Variants in BCAR1 observed in about 807,000 individuals in gnomAD.
BCAR1 encodes breast cancer anti-estrogen resistance protein 1.
A neutral mutation model predicts 67.6 loss-of-function variants in BCAR1; 30 were observed. The ratio of observed to expected loss-of-function variants is 0.44; its 90% CI spans 0.33 to 0.60. The LOEUF (loss-of-function observed/expected upper bound fraction) is 0.60, where lower values mean the gene tolerates loss of function less well. Ranked by LOEUF, BCAR1 falls within the 20% of genes least tolerant of loss-of-function variation. The pLI is 0.02. For missense variants in BCAR1, 1,313 were observed against 1,222.3 expected, an observed-to-expected ratio of 1.07 and a Z score of -1.11; for synonymous variants, 626 against 556.7, an observed-to-expected ratio of 1.12 and a Z score of -1.75.
chr16:75,234,232 C>T (rs1467242842), intron 5 of BCAR1, among the ~76,000 whole-genome samples: 2 of 151,608 alleles, frequency 1.3e-5, no homozygotes, highest in Non-Finnish European at 2.9e-5. Flanking sequence ...TGGGACACAG[C>T]CCCCCCAGGC....
At position 75,229,336 on chromosome 16, in the gene BCAR1, C is replaced by G; in HGVS notation, c.*175G>C. The G allele has an allele frequency of 4.6e-6, 5 of 1,096,524 alleles. No individual in the cohort carries two copies. Among genetic ancestry groups the G allele is most frequent in the Non-Finnish European group, 6.2e-6 (5 of 801,188 alleles). 67.9% of individuals were successfully genotyped at this position (1,096,524 alleles called of 1,614,324 possible). ...GGCTTCGGCTCCTGAGGAGGCATGG[C>G]CCCACACCCTGCCCGGCCATAAATA... On this transcript the variant is annotated 3_prime_UTR_variant, in exon 7 of 7. Transcript: ENST00000162330.
At chr16:75,259,228 G>A (rs967367708) in intron 1 of BCAR1, among the ~76,000 whole-genome samples, 1 of 152,232 alleles carries the variant, frequency 6.6e-6, no homozygotes, top group Non-Finnish European at 1.5e-5. Flanking sequence ...CCAGGATTTG[G>A]GAGCACAGAT....
intron 1 of BCAR1, chr16:75,248,216 A>G: frequency 1.3e-6 from 2 of 1,545,382 alleles, no homozygotes; most frequent in South Asian, 1.2e-5. Context: ...CGTGGAAACC[A>G]CCAGAGGAAA....
intron 1 of BCAR1, among the ~76,000 whole-genome samples, chr16:75,265,422 G>A (rs2077986039): frequency 6.6e-6 from 1 of 152,148 alleles, no homozygotes; most frequent in Non-Finnish European, 1.5e-5. Context: ...AGTCCCGGAG[G>A]GGAGTCGCGG....
chr16:75,248,199 C>G, intron 1 of BCAR1: 1 of 1,560,802 alleles, frequency 6.4e-7, no homozygotes, highest in Non-Finnish European at 8.6e-7. Context: ...GGGGTGACGC[C>G]TGGGTTCGTG....
chr16:75,230,113 C>G, intron 6 of BCAR1, 90 bp from the exon 7 acceptor site: 1 of 1,454,528 alleles, frequency 6.9e-7, no homozygotes, highest in Non-Finnish European at 9.2e-7. Context: ...CTGGGCTTCT[C>G]TAAAAGGGCC....
chr16:75,235,309 G>A lies in BCAR1; in HGVS notation c.1590C>T (p.Ala530=), dbSNP rs2077069454. Residue 530 remains alanine, a synonymous_variant, in exon 5 of 7, where the codon GCC becomes GCT. Coordinates refer to ENST00000162330, the MANE Select transcript of BCAR1 (RefSeq NM_014567.5). The stretch of plus-strand genomic sequence containing the variant: ...CATGCAGGGCACGGTCAGATGTGTG[G>A]GCAGCATTGCCCACCGCGCTGCGGG... ...EFARSAVGNA[A]HTSDRALHAK... is the part of the protein sequence containing the mutation. The A allele has an allele frequency of 6.2e-7, 1 of 1,604,702 alleles. No individual in the cohort carries two copies. The highest frequency in any genetic ancestry group is 8.5e-7 in the Non-Finnish European group (1 of 1,173,778).
rs1187171334 is a variant in BCAR1 at position 75,235,819 on chromosome 16, G to A, written c.1080C>T (p.Asp360=). The part of the protein sequence containing the change: ...APPPDSPPAE[D]VYDVPPPAPD... ...GAGCCGGGGGCGGCACGTCATACAC[G>A]TCCTCGGCCGGCGGGGAGTCTGGAG... Residue 360 remains aspartate (D), a synonymous_variant, in exon 5 of 7, where the codon GAC becomes GAT. Transcript: ENST00000162330. The A allele has an allele frequency of 3.2e-6, 5 of 1,582,848 alleles. No individual in the cohort carries two copies. Among genetic ancestry groups the A allele is most frequent in the East Asian group, 2.3e-5 (1 of 43,610 alleles).
At chr16:75,261,332 C>A (rs974779533) in intron 1 of BCAR1, among the ~76,000 whole-genome samples, 2 of 152,230 alleles carry the variant, frequency 1.3e-5, no homozygotes, top group Non-Finnish European at 2.9e-5. Flanking sequence ...AACACCAGGG[C>A]ACCAGTGGTA....
chr16:75,262,128 C>G (rs996385495), intron 1 of BCAR1, among the ~76,000 whole-genome samples: 4 of 152,158 alleles, frequency 2.6e-5, no homozygotes, highest in Non-Finnish European at 4.4e-5. Context: ...AACACTCTCC[C>G]CACCCCGCAG....
intron 3 of BCAR1, 68 bp downstream of exon 3, chr16:75,237,115 G>A (rs181984804): frequency 4.3e-5 from 64 of 1,499,166 alleles, no homozygotes; most frequent in Middle Eastern, 2.0e-4. Flanking sequence ...TGCAGCTCTC[G>A]GCCCAGGGCC....
chr16:75,263,987 G>T, intron 1 of BCAR1: 5 of 1,182,778 alleles, frequency 4.2e-6, no homozygotes, highest in Non-Finnish European at 5.2e-6. Flanking sequence ...GGGGCAGATG[G>T]CAAAGACCTC....
In BCAR1 at chr16:75,242,993, G is replaced by A. The variant is rs1304237563; in HGVS notation, c.110C>T (p.Thr37Met). ...GAGCCACCAGCCGTCCAGGCCCTGC[G>A]TGTCCTGCTCCAGCACCGTCATGAT... ...GDIMTVLEQD[T>M]QGLDGWWLCS... The change falls in exon 2 of 7, where the codon ACG becomes ATG. Residue 37 changes from threonine (T) to methionine (M), a missense_variant. Thr to Met is a moderately conservative substitution (Grantham distance 81, BLOSUM62 -1). This residue lies in a region of BCAR1 where 41 missense variants were observed against 84.8 expected (regional missense o/e 0.48). Transcript: ENST00000162330. The A allele has an allele frequency of 6.2e-6, 10 of 1,613,504 alleles. No homozygotes were observed. In the East Asian group the frequency reaches 6.7e-5, roughly 11 times the overall value.
intron 1 of BCAR1, among the ~76,000 whole-genome samples, chr16:75,267,392 G>GC (rs59674858): frequency 5.3e-5 from 3 of 56,724 alleles, no homozygotes; most frequent in Non-Finnish European, 1.7e-4. Context: ...GCCACAGCAA[G>GC]CCGGGGGGGG....
chr16:75,229,703 G>A lies in BCAR1; in HGVS notation c.2421C>T (p.Asp807=), dbSNP rs368805135. The A allele has an allele frequency of 1.5e-5, 24 of 1,612,822 alleles. No homozygotes were observed. Among genetic ancestry groups the A allele is most frequent in the East Asian group, 4.5e-5 (2 of 44,884 alleles). ...DTLSRQAKAA[D]VRSQVTHYSN... The stretch of plus-strand genomic sequence containing the variant: ...TGTAGTGGGTCACCTGGCTGCGCAC[G>A]TCAGCAGCCTTGGCCTGCCGTGACA... Residue 807 remains aspartate (D), a synonymous_variant, in exon 7 of 7, where the codon GAC becomes GAT. Transcript: ENST00000162330.
chr16:75,236,092 ACACACACACAGAGGCACGCG>A (rs892744688), intron 4 of BCAR1, 106 bp from the exon 5 acceptor site: 21 of 1,392,888 alleles, frequency 1.5e-5, no homozygotes, highest in Admixed American at 2.5e-5. Context: ...ACACATACAG[ACACACACACAGAGGCACGCG>A]CACACACACA....
At chr16:75,237,482 A>G in intron 2 of BCAR1, 138 bp from the exon 3 acceptor site, 2 of 1,054,024 alleles carry the variant, frequency 1.9e-6, no homozygotes, top group African/African-American at 1.7e-5. Context: ...CAAGGATGCC[A>G]GTTCTCACCC....
intron 1 of BCAR1, among the ~76,000 whole-genome samples, chr16:75,243,841 C>T (rs1447081192): frequency 6.6e-6 from 1 of 152,218 alleles, no homozygotes; most frequent in Admixed American, 6.5e-5. Context: ...GGCAGGGAGG[C>T]CTCGCAGTTT....
In BCAR1 at chr16:75,235,360, A is replaced by C; in HGVS notation, c.1539T>G (p.Ser513Arg). Residue 513 changes from serine to arginine, a missense_variant, in exon 5 of 7, where the codon AGT (serine) becomes AGG (arginine). Physicochemically the swap from Ser to Arg is moderately radical, Grantham distance 110. This residue lies in a region of BCAR1 where 1,272 missense variants were observed against 1,137.5 expected (regional missense o/e 1.12). Transcript: ENST00000162330. ...CAAACTCCAACAGCTCGTGGACGGC[A>C]CTCTGGACAGCGGCCACAGCAGCCT... is the stretch of plus-strand genomic sequence containing the variant. ...DLQAAVAAVQ[S>R]AVHELLEFAR... is the part of the protein sequence containing the mutation. 6.2e-7 allele frequency: 1 copy of C among 1,602,650 alleles called. No individual in the cohort carries two copies. The highest frequency in any genetic ancestry group is 8.5e-7 in the Non-Finnish European group (1 of 1,174,422).
Sources: allele counts gnomAD v4.1 joint callset (sites outside exome capture counted in the v4.1 genomes callset), GRCh38; gene constraint gnomAD v4.1.1; regional missense constraint gnomAD v4.1.1; transcripts MANE v1.5; gene names NCBI Gene and HGNC (gene_info 2026-07-23, HGNC 2026-07-21).